The following ITGBL1 variants were observed in gnomAD, a reference collection of about 807,000 sequenced individuals.
ITGBL1 encodes integrin subunit beta like 1, also known as integrin beta-like protein 1.
Under a neutral mutation model 68.5 loss-of-function variants are expected in ITGBL1, and 51 were observed. The observed-to-expected ratio is 0.74, with a 90% CI of 0.59 to 0.94. ITGBL1 has a LOEUF of 0.94. Among genes scored for constraint, ITGBL1 ranks in the 40% least tolerant of loss-of-function variants. The pLI is 0.00. For missense variants in ITGBL1, 649 were observed against 647.4 expected, an observed-to-expected ratio of 1.00 and a Z score of -0.03; for synonymous variants, 209 against 227.3, an observed-to-expected ratio of 0.92 and a Z score of 0.72.
chr13:101,622,154 G>A (rs529205725), intron 7 of ITGBL1, among the ~76,000 whole-genome samples: 2 of 152,164 alleles, frequency 1.3e-5, no homozygotes, highest in South Asian at 4.2e-4. Flanking sequence ...TCTTAAACAA[G>A]GCTTCTAATA....
rs1335420119 is a variant in ITGBL1, at chr13:101,583,265, G to C, written c.777G>C (p.Gly259=). 3 of 1,613,450 alleles carry C rather than the reference G, an allele frequency of 1.9e-6. No individual in the cohort carries two copies. Among genetic ancestry groups the C allele is most frequent in the African/African-American group, 2.7e-5 (2 of 74,812 alleles). Residue 259 remains glycine (G), a synonymous_variant, in exon 6 of 11, where the codon GGG becomes GGC. Coordinates refer to ENST00000376180, the MANE Select transcript of ITGBL1 (RefSeq NM_004791.3). ...ECTCHDVDPT[G]DWGDIHGDTC... ...CCTGTCACGATGTTGATCCGACTGG[G>C]GACTGGGGAGATATTCATGGGGACA...
intron 2 of ITGBL1, among the ~76,000 whole-genome samples, chr13:101,564,779 T>A (rs1446308702): frequency 1.3e-5 from 2 of 151,038 alleles, no homozygotes; most frequent in Non-Finnish European, 2.9e-5. Flanking sequence ...TAATTATATA[T>A]GTTATATAGT....
intron 7 of ITGBL1, among the ~76,000 whole-genome samples, chr13:101,626,847 T>C (rs2031796916): frequency 6.6e-6 from 1 of 152,104 alleles, no homozygotes; most frequent in South Asian, 2.1e-4. Flanking sequence ...GAAAACAACA[T>C]TTTAGAGTTA....
intron 7 of ITGBL1, among the ~76,000 whole-genome samples, chr13:101,654,609 T>C (rs7983619): frequency 0.21 from 31,996 of 152,100 alleles, 3,576 homozygotes; most frequent in East Asian, 0.45. Context: ...GCTGACTCGA[T>C]GGTGGCATGG....
chr13:101,636,809 T>C (rs901378903), intron 7 of ITGBL1, among the ~76,000 whole-genome samples: 4 of 152,212 alleles, frequency 2.6e-5, no homozygotes, highest in African/African-American at 9.6e-5. Flanking sequence ...TTGATCCTGC[T>C]GTATCTTATT....
At position 101,516,348 on chromosome 13, in the gene ITGBL1, G is replaced by C. The variant is rs1332193228; in HGVS notation, c.317-51351G>C. On this transcript the variant is annotated intron_variant, in intron 2 of 10. Transcript: ENST00000376180. Reference sequence around the variant, plus strand: ...GATTATCATGTCTAAATGAAATGCGGTTATAAAACTATCTTTGTATACAAT... The same window carrying C: ...GATTATCATGTCTAAATGAAATGCGCTTATAAAACTATCTTTGTATACAAT... 5.3e-5 allele frequency among the ~76,000 whole-genome samples: 8 copies of C among 152,044 alleles called. No individual in the cohort carries two copies. The South Asian group carries it at 1.7e-3, about 31-fold the overall frequency.
At chr13:101,609,936 T>G (rs2139364313) in intron 7 of ITGBL1, among the ~76,000 whole-genome samples, 1 of 152,258 alleles carries the variant, frequency 6.6e-6, no homozygotes, top group South Asian at 2.1e-4. Context: ...ACATTTTGCA[T>G]TATTTTTATG....
intron 7 of ITGBL1, among the ~76,000 whole-genome samples, chr13:101,613,264 A>ACGAT: frequency 6.6e-6 from 1 of 152,282 alleles, no homozygotes; most frequent in Admixed American, 6.5e-5. Context: ...TCCAGGGCAT[A>ACGAT]CGATTTAATA....
chr13:101,569,117 C>T (rs1023391745), intron 3 of ITGBL1, among the ~76,000 whole-genome samples: 1 of 151,958 alleles, frequency 6.6e-6, no homozygotes, highest in Non-Finnish European at 1.5e-5. Context: ...TACACACACA[C>T]ACACGCGCAC....
chr13:101,454,326 A>G (rs914751020), intron 2 of ITGBL1, among the ~76,000 whole-genome samples: 5 of 151,834 alleles, frequency 3.3e-5, no homozygotes, highest in African/African-American at 1.2e-4. Context: ...TTAAAAATTC[A>G]TTCACTTAAT....
chr13:101,487,192 A>T (rs369578849), intron 2 of ITGBL1, among the ~76,000 whole-genome samples: 1 of 152,186 alleles, frequency 6.6e-6, no homozygotes, highest in African/African-American at 2.4e-5. Flanking sequence ...TTACAGCTCC[A>T]AGGCAGGTGT....
chr13:101,621,473 G>C (rs1344140706), intron 7 of ITGBL1, among the ~76,000 whole-genome samples: 3 of 152,026 alleles, frequency 2.0e-5, no homozygotes, highest in Non-Finnish European at 2.9e-5. Flanking sequence ...TTTTATTATA[G>C]AAATTCAGGG....
chr13:101,672,648 T>A (rs2033406331), intron 7 of ITGBL1, among the ~76,000 whole-genome samples: 3 of 152,182 alleles, frequency 2.0e-5, no homozygotes, highest in Admixed American at 2.0e-4. Context: ...AATCAGACAG[T>A]GCCTTCTCAA....
chr13:101,617,023 A>G (rs2031391813), intron 7 of ITGBL1, among the ~76,000 whole-genome samples: 1 of 152,196 alleles, frequency 6.6e-6, no homozygotes, highest in East Asian at 1.9e-4. Flanking sequence ...CTTTGGCTAG[A>G]TTATAAAAGG....
At chr13:101,660,759 A>C (rs1443466215) in intron 7 of ITGBL1, among the ~76,000 whole-genome samples, 1 of 152,216 alleles carries the variant, frequency 6.6e-6, no homozygotes, top group Non-Finnish European at 1.5e-5. Flanking sequence ...CAACCATGTC[A>C]GATTTCTCTT....
intron 6 of ITGBL1, among the ~76,000 whole-genome samples, chr13:101,587,362 C>T (rs74553923): frequency 6.6e-6 from 1 of 152,100 alleles, no homozygotes; most frequent in Non-Finnish European, 1.5e-5. Flanking sequence ...TGTTCATTTG[C>T]CCATACACCA....
intron 8 of ITGBL1, among the ~76,000 whole-genome samples, chr13:101,694,593 A>AT (rs1300829017): frequency 2.7e-5 from 4 of 149,730 alleles, no homozygotes; most frequent in Admixed American, 1.3e-4. Flanking sequence ...CTGGCTATTT[A>AT]TTTTTTGTGG....
chr13:101,510,669 G>A (rs2049101584), intron 2 of ITGBL1, among the ~76,000 whole-genome samples: 1 of 151,944 alleles, frequency 6.6e-6, no homozygotes, highest in Non-Finnish European at 1.5e-5. Flanking sequence ...GTTGTTTTTT[G>A]ACTTTTTAAT....
intron 7 of ITGBL1, among the ~76,000 whole-genome samples, chr13:101,619,833 G>A (rs546448362): frequency 3.5e-4 from 54 of 152,190 alleles, no homozygotes; most frequent in African/African-American, 1.3e-3. Flanking sequence ...CTCAACTATA[G>A]GCATAAACAT....
Sources: allele counts gnomAD v4.1 joint callset (sites outside exome capture counted in the v4.1 genomes callset), GRCh38; gene constraint gnomAD v4.1.1; transcripts MANE v1.5; gene names NCBI Gene and HGNC (gene_info 2026-07-23, HGNC 2026-07-21).